HLCS: variants seen among roughly 807,000 people sequenced by gnomAD.
HLCS encodes biotin--protein ligase.
A neutral mutation model predicts 75.0 loss-of-function variants in HLCS; 53 were observed. That is an observed-to-expected ratio of 0.71 (90% confidence interval 0.57 to 0.89). The LOEUF (loss-of-function observed/expected upper bound fraction) is 0.89. HLCS is among the 40% of genes least tolerant of loss of function. HLCS has a pLI of 0.00. For missense variants in HLCS, 966 were observed against 1,074.0 expected (o/e 0.90, Z 1.41); for synonymous variants, 431 against 428.6 (o/e 1.01, Z -0.07).
intron 6 of HLCS, among the ~76,000 whole-genome samples, chr21:36,887,616 A>G (rs1323638546): frequency 1.3e-5 from 2 of 152,242 alleles, no homozygotes; most frequent in Non-Finnish European, 2.9e-5. Context: ...CTTCAGTCAC[A>G]ACCGTTGCCA....
chr21:36,873,910 A>C (rs2063858799), intron 6 of HLCS, among the ~76,000 whole-genome samples: 1 of 152,234 alleles, frequency 6.6e-6, no homozygotes, highest in Admixed American at 6.5e-5. Context: ...TAGAATTTTT[A>C]AATGAAGTCT....
At chr21:36,762,855 C>G (rs2145758045) in intron 8 of HLCS, among the ~76,000 whole-genome samples, 1 of 152,262 alleles carries the variant, frequency 6.6e-6, no homozygotes, top group Admixed American at 6.5e-5. Flanking sequence ...ACAGCAGGCC[C>G]TCAAAGAATG....
chr21:36,901,640 A>G (rs941444953), intron 5 of HLCS, among the ~76,000 whole-genome samples: 1 of 152,120 alleles, frequency 6.6e-6, no homozygotes, highest in Non-Finnish European at 1.5e-5. Context: ...CGGCTTGTAC[A>G]CACATCACCC....
rs548443110 is a variant in HLCS, at chr21:36,827,913, A to T, written c.1893-60628T>A. The stretch of plus-strand genomic sequence containing the variant: ...ACTGCAAGCTCCACCTCCCGGGTTC[A>T]CACCATTCTCCTGCCTCAGCCTCCC... On this transcript the variant is annotated intron_variant, in intron 6 of 10. Transcript: ENST00000674895. 2.0e-5 allele frequency among the ~76,000 whole-genome samples: 3 copies of T among 150,284 alleles called. No homozygotes were observed. The East Asian group carries it at 6.0e-4, about 30-fold the overall frequency.
intron 6 of HLCS, among the ~76,000 whole-genome samples, chr21:36,803,434 G>C (rs892740343): frequency 6.6e-6 from 1 of 152,188 alleles, no homozygotes. Context: ...ATTAAATCTG[G>C]ATTCCAGAAA....
At chr21:36,857,422 C>T (rs189866434) in intron 6 of HLCS, among the ~76,000 whole-genome samples, 1 of 152,318 alleles carries the variant, frequency 6.6e-6, no homozygotes, top group African/African-American at 2.4e-5. Flanking sequence ...GCTAGACTCT[C>T]CTCACTAGTC....
chr21:36,848,216 T>C (rs1420760644), intron 6 of HLCS, among the ~76,000 whole-genome samples: 1 of 152,048 alleles, frequency 6.6e-6, no homozygotes, highest in African/African-American at 2.4e-5. Context: ...TTGTGTTAAT[T>C]CTGCACAATG....
At chr21:36,803,752 T>C (rs9983255) in intron 6 of HLCS, among the ~76,000 whole-genome samples, 9,206 of 33,736 alleles carry the variant, frequency 0.27, 390 homozygotes, top group Non-Finnish European at 0.31. Flanking sequence ...TGTTTTTTTA[T>C]TGAAAAAAAA....
upstream of HLCS, among the ~76,000 whole-genome samples, chr21:36,970,802 C>G (rs763724432): frequency 3.3e-5 from 5 of 151,994 alleles, no homozygotes; most frequent in Non-Finnish European, 7.4e-5. Flanking sequence ...ACCATCCTGG[C>G]TAACACAGTG....
rs2061833639 is a variant in HLCS at position 36,821,280 on chromosome 21, C to T, written c.1893-53995G>A. 2.0e-5 allele frequency among the ~76,000 whole-genome samples: 3 copies of T among 152,190 alleles called. No individual in the cohort carries two copies. In the South Asian group the frequency reaches 6.2e-4, roughly 31 times the overall value. ...GTGCCTTGGGCAGATCTGCCTTCAT[C>T]TCCCTGCTCTTCCCCTCTGTTTTTT... On this transcript the variant is annotated intron_variant, in intron 6 of 10. Coordinates refer to ENST00000674895, the MANE Select transcript of HLCS (RefSeq NM_001352514.2).
At chr21:36,807,290 C>T (rs1010385) in intron 6 of HLCS, among the ~76,000 whole-genome samples, 21,135 of 151,774 alleles carry the variant, frequency 0.14, 1,772 homozygotes, top group Non-Finnish European at 0.18. Context: ...ACCTGGAGCC[C>T]GATTCTCCCA....
At chr21:36,978,092 C>G (rs1217294706) in intron 1 of HLCS, among the ~76,000 whole-genome samples, 1 of 152,210 alleles carries the variant, frequency 6.6e-6, no homozygotes, top group Admixed American at 6.5e-5. Context: ...ATCCCAACCA[C>G]TTGAAGTGCT....
chr21:36,873,411 C>T (rs1319938682), intron 6 of HLCS, among the ~76,000 whole-genome samples: 2 of 152,218 alleles, frequency 1.3e-5, no homozygotes, highest in Non-Finnish European at 2.9e-5. Flanking sequence ...CCACCACACC[C>T]AGCCATTGCT....
chr21:36,866,520 G>A (rs1318092030), intron 6 of HLCS, among the ~76,000 whole-genome samples: 3 of 152,224 alleles, frequency 2.0e-5, no homozygotes, highest in South Asian at 4.1e-4. Flanking sequence ...AAGCTGTTGC[G>A]AGTGCATTAC....
chr21:36,957,052 C>CAA lies in HLCS; in HGVS notation c.330+4982_330+4983dup, dbSNP rs3035105. On this transcript the variant is annotated intron_variant, in intron 2 of 10. Transcript: ENST00000674895. ...TGGACAACAGAGCCAGACTCCGTCT[C>CAA]AAAAAAAAAAAAAAAAAAAGCCCAA... 3.1e-3 allele frequency among the ~76,000 whole-genome samples: 332 copies of CAA among 108,030 alleles called. 2 individuals carry two copies. Among genetic ancestry groups the CAA allele is most frequent in the African/African-American group, 0.011 (300 of 28,462 alleles). The allele number at this position is 108,030 out of a possible 152,430, so 70.9% of individuals were successfully genotyped here. A position where few individuals can be genotyped will look rare whatever the true frequency, so the allele number is the denominator to read the frequency against.
chr21:36,779,250 G>A (rs2060454533), intron 6 of HLCS, among the ~76,000 whole-genome samples: 1 of 152,018 alleles, frequency 6.6e-6, no homozygotes, highest in South Asian at 2.1e-4. Context: ...TCATACCCCT[G>A]ATGAATCAAA....
At chr21:36,940,995 TG>T (rs1238554677) in intron 2 of HLCS, among the ~76,000 whole-genome samples, 1 of 152,210 alleles carries the variant, frequency 6.6e-6, no homozygotes, top group African/African-American at 2.4e-5. Context: ...GCAAATCACC[TG>T]AGCTCAGGAG....
rs778247176 is a variant in HLCS at position 36,930,393 on chromosome 21, G to A, written c.1478C>T (p.Thr493Ile). ...ELPPSSNIVQ[T>I]PEDFNLLKSS... is the part of the protein sequence containing the mutation. ...CTTGAGCAAGTTAAAATCTTCTGGA[G>A]TTTGCACTATGTTGGAGCTGGGAGG... Residue 493 changes from threonine to isoleucine, a missense_variant, in exon 5 of 11, where the codon ACT (threonine) becomes ATT (isoleucine). Coordinates refer to ENST00000674895, the MANE Select transcript of HLCS (RefSeq NM_001352514.2). 5.0e-6 allele frequency: 8 copies of A among 1,614,040 alleles called. No homozygotes were observed. The East Asian group carries it at 1.6e-4, about 31-fold the overall frequency.
chr21:36,913,561 G>C (rs1414757296), intron 5 of HLCS, among the ~76,000 whole-genome samples: 1 of 152,100 alleles, frequency 6.6e-6, no homozygotes, highest in African/African-American at 2.4e-5. Flanking sequence ...AGGAGTTTGA[G>C]ACCAGCCTGG....
Sources: allele counts gnomAD v4.1 joint callset (sites outside exome capture counted in the v4.1 genomes callset), GRCh38; gene constraint gnomAD v4.1.1; transcripts MANE v1.5; gene names NCBI Gene and HGNC (gene_info 2026-07-23, HGNC 2026-07-21).